Variants in RIPOR3 observed in about 807,000 individuals in gnomAD.
RIPOR3 encodes the protein RIPOR family member 3.
A neutral mutation model predicts 114.3 loss-of-function variants in RIPOR3; 95 were observed. The ratio of observed to expected loss-of-function variants is 0.83; its 90% CI spans 0.70 to 0.99. RIPOR3 has a LOEUF of 0.99. Among genes scored for constraint, RIPOR3 ranks in the 50% least tolerant of loss-of-function variants. RIPOR3 has a pLI of 0.00. For synonymous variants in RIPOR3, 575 were observed against 543.8 expected (o/e 1.06, Z -0.80); for missense variants, 1,252 against 1,266.9 (o/e 0.99, Z 0.18).
At chr20:50,600,865 CG>C (rs898039322) in intron 13 of RIPOR3, among the ~76,000 whole-genome samples, 3 of 152,160 alleles carry the variant, frequency 2.0e-5, no homozygotes, top group African/African-American at 7.2e-5. Context: ...TAGTGGTAAA[CG>C]GAACATATTT....
intron 1 of RIPOR3, among the ~76,000 whole-genome samples, chr20:50,666,188 T>TTTCC: frequency 5.2e-5 from 1 of 19,368 alleles, no homozygotes; most frequent in East Asian, 5.3e-3. Context: ...CACCCATTTC[T>TTTCC]TTTCTTTTCT....
intron 2 of RIPOR3, among the ~76,000 whole-genome samples, chr20:50,625,169 C>G (rs1240847078): frequency 1.3e-5 from 2 of 152,070 alleles, no homozygotes; most frequent in Admixed American, 6.5e-5. Context: ...CTCCTGGGCT[C>G]AAGTGATCCT....
chr20:50,612,235 G>A (rs2084004266), intron 4 of RIPOR3, among the ~76,000 whole-genome samples: 1 of 151,548 alleles, frequency 6.6e-6, no homozygotes. Flanking sequence ...CCTAAGACAT[G>A]GGAAGTGCTG....
intron 1 of RIPOR3, among the ~76,000 whole-genome samples, chr20:50,673,840 G>A (rs1017896962): frequency 2.6e-5 from 4 of 152,192 alleles, no homozygotes; most frequent in African/African-American, 7.2e-5. Flanking sequence ...GGAGCGAATC[G>A]TTGCGAGCAT....
chr20:50,637,906 T>C (rs2085048887), intron 1 of RIPOR3, among the ~76,000 whole-genome samples: 3 of 151,930 alleles, frequency 2.0e-5, no homozygotes, highest in African/African-American at 4.8e-5. Flanking sequence ...AATAAATACA[T>C]AAATTATTAT....
chr20:50,594,944 T>A (rs1181945828), intron 16 of RIPOR3: 2 of 537,098 alleles, frequency 3.7e-6, no homozygotes, highest in Non-Finnish European at 3.3e-6. Context: ...GGGGCTGCTG[T>A]CACCAGCCTC....
At chr20:50,649,754 A>G (rs553941339) in intron 1 of RIPOR3, among the ~76,000 whole-genome samples, 34 of 152,198 alleles carry the variant, frequency 2.2e-4, no homozygotes, top group Non-Finnish European at 4.3e-4. Context: ...GTTTACAGGG[A>G]AGCGCTCCCT....
intron 1 of RIPOR3, among the ~76,000 whole-genome samples, chr20:50,681,920 G>T (rs143118383): frequency 6.6e-6 from 1 of 152,180 alleles, no homozygotes. Flanking sequence ...TTCCAGCCCC[G>T]TCCTTGATGT....
chr20:50,663,540 C>T (rs565604593), intron 1 of RIPOR3, among the ~76,000 whole-genome samples: 8 of 152,264 alleles, frequency 5.3e-5, no homozygotes, highest in Non-Finnish European at 8.8e-5. Context: ...AAGGTCTTGG[C>T]GTTGTGAGCA....
chr20:50,690,120 A>AT (rs1344459203), intron 1 of RIPOR3, among the ~76,000 whole-genome samples: 1 of 152,226 alleles, frequency 6.6e-6, no homozygotes, highest in Non-Finnish European at 1.5e-5. Flanking sequence ...TTAATATGTG[A>AT]TTCCCCCCAG....
At chr20:50,668,844 G>A (rs542835814) in intron 1 of RIPOR3, among the ~76,000 whole-genome samples, 4 of 150,828 alleles carry the variant, frequency 2.7e-5, no homozygotes, top group East Asian at 3.9e-4. Flanking sequence ...GCAACAGAGC[G>A]AGACTCCATC....
chr20:50,673,146 G>A (rs75074503), intron 1 of RIPOR3, among the ~76,000 whole-genome samples: 1 of 142,556 alleles, frequency 7.0e-6, no homozygotes, highest in Non-Finnish European at 1.6e-5. Flanking sequence ...GAAGACAGCA[G>A]GGCTGCTTCT....
chr20:50,608,691 G>C lies in RIPOR3; in HGVS notation c.732C>G (p.Ile244Met). The change falls in exon 10 of 22, where the codon ATC becomes ATG. Residue 244 changes from isoleucine to methionine, a missense_variant. Coordinates refer to ENST00000327979, the MANE Select transcript of RIPOR3 (RefSeq NM_001290268.2). ...CCCAGGTCTGGCTGTCATCTGACTCGATCCGACCCTTGAGCTTCCAACGCT... is the reference window on the plus strand; with the variant it reads ...CCCAGGTCTGGCTGTCATCTGACTCCATCCGACCCTTGAGCTTCCAACGCT... ...GRQRWKLKGR[I>M]ESDDSQTWDE... 1 of 1,614,024 alleles carries C rather than the reference G, an allele frequency of 6.2e-7. No individual in the cohort carries two copies. The highest frequency in any genetic ancestry group is 8.5e-7 in the Non-Finnish European group (1 of 1,179,928).
chr20:50,643,304 T>G (rs1471586991), intron 1 of RIPOR3, among the ~76,000 whole-genome samples: 38 of 129,888 alleles, frequency 2.9e-4, no homozygotes, highest in African/African-American at 1.1e-3. Flanking sequence ...GTGTGTGTTT[T>G]TTTTTTTTTT....
At chr20:50,589,643 C>A (rs1209640559) in intron 20 of RIPOR3, 43 bp downstream of exon 20, 3 of 1,594,080 alleles carry the variant, frequency 1.9e-6, no homozygotes, top group Non-Finnish European at 8.6e-7. Context: ...TAACCACAAG[C>A]AGGCTTTTCT....
intron 4 of RIPOR3, among the ~76,000 whole-genome samples, chr20:50,613,808 G>A (rs1358364980): frequency 3.3e-5 from 5 of 152,166 alleles, no homozygotes; most frequent in African/African-American, 7.2e-5. Flanking sequence ...GCTGGAGCTG[G>A]GTGATATCTT....
chr20:50,684,298 C>T (rs891190483), intron 1 of RIPOR3, among the ~76,000 whole-genome samples: 1 of 152,140 alleles, frequency 6.6e-6, no homozygotes, highest in Non-Finnish European at 1.5e-5. Flanking sequence ...TGTGTAAAGA[C>T]CTGCGCGATA....
At chr20:50,677,958 C>T (rs2086730119) in intron 1 of RIPOR3, among the ~76,000 whole-genome samples, 1 of 152,166 alleles carries the variant, frequency 6.6e-6, no homozygotes, top group Admixed American at 6.5e-5. Context: ...GCATGAGCCA[C>T]CGCGCCTGGC....
At chr20:50,664,744 G>A (rs976732245) in intron 1 of RIPOR3, among the ~76,000 whole-genome samples, 1 of 152,146 alleles carries the variant, frequency 6.6e-6, no homozygotes, top group Non-Finnish European at 1.5e-5. Context: ...TTCTGAGGCT[G>A]TGTATGGGCT....
Sources: gnomAD v4.1 joint callset for allele counts (sites outside exome capture counted in the v4.1 genomes callset) on GRCh38, gnomAD v4.1.1 for gene constraint, MANE v1.5 for transcripts, NCBI Gene and HGNC (gene_info 2026-07-23, HGNC 2026-07-21) for gene names.